Variants in DNM3 observed in about 807,000 individuals in gnomAD.
DNM3 encodes the protein dynamin 3, also known as dynamin-3.
A neutral mutation model predicts 101.6 loss-of-function variants in DNM3; 47 were observed. That is an observed-to-expected ratio of 0.46 (90% CI 0.37 to 0.59). The LOEUF is 0.59. Among genes scored for constraint, DNM3 ranks in the 20% least tolerant of loss-of-function variants. The probability of loss-of-function intolerance (pLI) is 0.00; values close to 1 mark genes in which losing one functional copy is unlikely to be tolerated. For synonymous variants in DNM3, 385 were observed against 387.9 expected (o/e 0.99, Z 0.09); for missense variants, 849 against 1,085.7 (o/e 0.78, Z 3.06).
At position 172,223,342 on chromosome 1, in the gene DNM3, G is replaced by A. The variant is rs537629737; in HGVS notation, c.1660-30231G>A. ...TCATTTAATGGTACCACCTCTCCAG[G>A]CATATCGGCAGGCACCAATTGGCAG... On this transcript the variant is annotated intron_variant, in intron 14 of 20. Transcript: ENST00000627582. 3.2e-4 allele frequency among the ~76,000 whole-genome samples: 48 copies of A among 148,282 alleles called. 1 individual carries two copies. The highest frequency in any genetic ancestry group is 1.1e-3 in the African/African-American group (44 of 40,228).
chr1:171,866,348 C>T lies in DNM3; in HGVS notation c.161+24531C>T, dbSNP rs539305737. Reference sequence around the variant, plus strand: ...TACTTCCCAGCATAATTTTCCATTTCTTTTGTACATCATAGGTAGCCATTC... The same window carrying T: ...TACTTCCCAGCATAATTTTCCATTTTTTTTGTACATCATAGGTAGCCATTC... On this transcript the variant is annotated intron_variant, in intron 1 of 20. Coordinates refer to ENST00000627582, the MANE Select transcript of DNM3 (RefSeq NM_015569.5). Among the ~76,000 whole-genome samples, 3 of 152,154 alleles carry T rather than the reference C, an allele frequency of 2.0e-5. No homozygotes were observed. In the South Asian group the frequency reaches 6.2e-4, roughly 32 times the overall value.
At chr1:172,375,907 C>G (rs911923007) in intron 17 of DNM3, among the ~76,000 whole-genome samples, 3 of 150,960 alleles carry the variant, frequency 2.0e-5, no homozygotes, top group Non-Finnish European at 2.9e-5. Flanking sequence ...TGGGAGGATC[C>G]CTTGAGTTCA....
intron 15 of DNM3, chr1:172,289,654 A>G (rs563541974): frequency 2.6e-4 from 260 of 983,460 alleles, no homozygotes; most frequent in Non-Finnish European, 3.0e-4. Context: ...CTGACAATCT[A>G]TTTTTTGTTT....
At chr1:171,865,027 T>C (rs1406888484) in intron 1 of DNM3, among the ~76,000 whole-genome samples, 2 of 152,212 alleles carry the variant, frequency 1.3e-5, no homozygotes, top group Non-Finnish European at 2.9e-5. Flanking sequence ...GAGACATTCT[T>C]GTAATTCATA....
intron 16 of DNM3, among the ~76,000 whole-genome samples, chr1:172,321,951 T>C (rs2148910835): frequency 6.6e-6 from 1 of 152,314 alleles, no homozygotes; most frequent in Non-Finnish European, 1.5e-5. Flanking sequence ...CCTTCATTCG[T>C]TCTTATGCCA....
intron 4 of DNM3, among the ~76,000 whole-genome samples, chr1:172,013,308 A>T (rs1363018038): frequency 6.6e-6 from 1 of 152,102 alleles, no homozygotes; most frequent in Non-Finnish European, 1.5e-5. Context: ...CGTGCTGACA[A>T]CAAATCTAGG....
At chr1:171,855,283 G>A (rs1021548993) in intron 1 of DNM3, among the ~76,000 whole-genome samples, 1 of 152,184 alleles carries the variant, frequency 6.6e-6, no homozygotes, top group South Asian at 2.1e-4. Flanking sequence ...TGTCACTGAT[G>A]GGCATTTAGG....
intron 2 of DNM3, among the ~76,000 whole-genome samples, chr1:171,952,470 T>G (rs1386791124): frequency 1.3e-5 from 2 of 152,190 alleles, no homozygotes. Context: ...CAGTCAGTTG[T>G]GTCTAAACTC....
rs1244014745 is a variant in DNM3 at position 172,163,274 on chromosome 1, C to T, written c.1659+31986C>T. ...TTTTTTTTTTGAGACGGAGTCACTC[C>T]GTCACCCAGGCTGGAGTGCAGTGGT... On this transcript the variant is annotated intron_variant, in intron 14 of 20. Coordinates refer to ENST00000627582, the MANE Select transcript of DNM3 (RefSeq NM_015569.5). 9.4e-5 allele frequency among the ~76,000 whole-genome samples: 14 copies of T among 149,556 alleles called. 1 individual carries two copies. The South Asian group carries it at 1.7e-3, about 18-fold the overall frequency.
chr1:172,093,650 A>G (rs1370549034), intron 13 of DNM3: 15 of 1,565,336 alleles, frequency 9.6e-6, no homozygotes, highest in Non-Finnish European at 1.2e-5. Context: ...CTTTATTTTA[A>G]AAACTTTTTT....
At chr1:172,126,531 A>C (rs1216875104) in intron 13 of DNM3, among the ~76,000 whole-genome samples, 1 of 152,156 alleles carries the variant, frequency 6.6e-6, no homozygotes, top group Non-Finnish European at 1.5e-5. Flanking sequence ...AGCTCAGTTG[A>C]CTAAATCCAC....
intron 14 of DNM3, among the ~76,000 whole-genome samples, chr1:172,179,513 G>A (rs964539190): frequency 3.3e-5 from 5 of 151,884 alleles, no homozygotes; most frequent in African/African-American, 1.2e-4. Flanking sequence ...ATGTCATTGA[G>A]AAGAGGGGAG....
rs937483407 is a variant in DNM3, at chr1:172,407,973, A to G, written c.*132A>G. 3 of 1,545,190 alleles carry G rather than the reference A, an allele frequency of 1.9e-6. No individual in the cohort carries two copies. Among genetic ancestry groups the G allele is most frequent in the Non-Finnish European group, 1.7e-6 (2 of 1,145,572 alleles). ...GGCAAGTAACCAGTTTTACTAATGC[A>G]TTCATCGCTCATCTTCATTGCTCAT... On this transcript the variant is annotated 3_prime_UTR_variant, in exon 21 of 21. Coordinates refer to ENST00000627582, the MANE Select transcript of DNM3 (RefSeq NM_015569.5).
At chr1:172,023,041 G>C (rs1442463043) in intron 4 of DNM3, among the ~76,000 whole-genome samples, 1 of 152,042 alleles carries the variant, frequency 6.6e-6, no homozygotes, top group African/African-American at 2.4e-5. Context: ...ATAGTTTTCT[G>C]TACATCTATC....
intron 14 of DNM3, among the ~76,000 whole-genome samples, chr1:172,173,556 T>C (rs945121589): frequency 4.6e-5 from 7 of 151,206 alleles, no homozygotes. Flanking sequence ...CTCAAACTCC[T>C]GACATCAAGC....
chr1:172,319,994 A>G (rs909175874), intron 16 of DNM3, among the ~76,000 whole-genome samples: 2 of 151,938 alleles, frequency 1.3e-5, no homozygotes, highest in Non-Finnish European at 2.9e-5. Flanking sequence ...AATGTCCAAC[A>G]ATGATAGACT....
At chr1:172,070,439 G>A (rs1417961324) in intron 11 of DNM3, among the ~76,000 whole-genome samples, 1 of 152,168 alleles carries the variant, frequency 6.6e-6, no homozygotes, top group Non-Finnish European at 1.5e-5. Flanking sequence ...ATATTCAAAT[G>A]ATAATAAATC....
chr1:172,315,862 C>T (rs2065319396), intron 16 of DNM3, among the ~76,000 whole-genome samples: 2 of 152,050 alleles, frequency 1.3e-5, no homozygotes, highest in African/African-American at 4.8e-5. Context: ...GGCAGGCCAA[C>T]GTTCAGATTC....
At chr1:172,130,618 A>T (rs2056885287) in intron 13 of DNM3, among the ~76,000 whole-genome samples, 1 of 152,206 alleles carries the variant, frequency 6.6e-6, no homozygotes, top group Non-Finnish European at 1.5e-5. Context: ...TAAAAACTCC[A>T]AACTTTTCAT....
Sources: allele counts gnomAD v4.1 joint callset (sites outside exome capture counted in the v4.1 genomes callset), GRCh38; gene constraint gnomAD v4.1.1; transcripts MANE v1.5; gene names NCBI Gene and HGNC (gene_info 2026-07-23, HGNC 2026-07-21).